The following HSP90AA1 variants were observed in gnomAD, a reference collection of about 807,000 sequenced individuals.
HSP90AA1 encodes heat shock protein HSP 90-alpha.
Under a neutral mutation model 73.3 loss-of-function variants are expected in HSP90AA1, and 18 were observed. The observed-to-expected ratio is 0.25, with a 90% CI of 0.17 to 0.36. The LOEUF (loss-of-function observed/expected upper bound fraction) is 0.36. Among genes scored for constraint, HSP90AA1 ranks in the 10% least tolerant of loss-of-function variants. The pLI is 1.00. For synonymous variants in HSP90AA1, 477 were observed against 296.9 expected, an observed-to-expected ratio of 1.61 and a Z score of -6.24; for missense variants, 704 against 874.2, an observed-to-expected ratio of 0.81 and a Z score of 2.45.
Position 102,083,982 on chromosome 14 carries a change from G to A in HSP90AA1, c.1149C>T (p.Asn383=), listed in dbSNP as rs373300685. 13 of 1,612,410 alleles carry A rather than the reference G, an allele frequency of 8.1e-6. No homozygotes were observed. Among genetic ancestry groups the A allele is most frequent in the Non-Finnish European group, 1.1e-5 (13 of 1,178,588 alleles). Residue 383 remains asparagine, a splice_region_variant and synonymous_variant, in exon 7 of 11, where the codon AAC becomes AAT. Transcript: ENST00000216281. ...NCEELIPEYL[N]FIRGVVDSED... ...CCGAGTCTACCACCCCTCTAATGAAGTCTGAAAAAAATATAAACCAAATGC... is the reference window on the plus strand; with the variant it reads ...CCGAGTCTACCACCCCTCTAATGAAATCTGAAAAAAATATAAACCAAATGC...
At position 102,081,787 on chromosome 14, in the gene HSP90AA1, G is replaced by T; in HGVS notation, c.2124C>A (p.Thr708=). ...IDEDDPTADD[T]SAAVTEEMPP... is the part of the protein sequence containing the mutation. ...GCATTTCTTCAGTTACAGCAGCACTGGTATCATCAGCAGTAGGGTCATCTT... is the reference window on the plus strand; with the variant it reads ...GCATTTCTTCAGTTACAGCAGCACTTGTATCATCAGCAGTAGGGTCATCTT... The change falls in exon 11 of 11, where the codon ACC becomes ACA. Residue 708 remains threonine (T), a synonymous_variant. Coordinates refer to ENST00000216281, the MANE Select transcript of HSP90AA1 (RefSeq NM_005348.4). 6.3e-7 allele frequency: 1 copy of T among 1,579,678 alleles called. No individual in the cohort carries two copies. Among genetic ancestry groups the T allele is most frequent in the Non-Finnish European group, 8.7e-7 (1 of 1,148,648 alleles).
intron 1 of HSP90AA1, among the ~76,000 whole-genome samples, chr14:102,109,761 A>T (rs1175416944): frequency 1.3e-5 from 2 of 152,168 alleles, no homozygotes; most frequent in Admixed American, 6.6e-5. Context: ...AGGTTAGAAC[A>T]GTTTGGAGGG....
At chr14:102,127,510 T>G (rs1435500094) in intron 1 of HSP90AA1, among the ~76,000 whole-genome samples, 17 of 152,196 alleles carry the variant, frequency 1.1e-4, no homozygotes, top group Non-Finnish European at 5.9e-5. Flanking sequence ...CACATTTCAG[T>G]CTTATCCCTA....
At chr14:102,090,218 T>G (rs1341015145), upstream of HSP90AA1, among the ~76,000 whole-genome samples, 1 of 152,164 alleles carries the variant, frequency 6.6e-6, no homozygotes, top group East Asian at 1.9e-4. Context: ...TGTTCTTCTC[T>G]AATTAATTTT....
intron 10 of HSP90AA1, 25 bp downstream of exon 10, chr14:102,082,086 T>C (rs541284895): frequency 6.8e-7 from 1 of 1,479,722 alleles, no homozygotes. Context: ...ATTTTCTTTT[T>C]AACATTACAT....
chr14:102,138,805 C>A (rs1595690768), intron 1 of HSP90AA1, among the ~76,000 whole-genome samples: 1 of 152,076 alleles, frequency 6.6e-6, no homozygotes, highest in Non-Finnish European at 1.5e-5. Flanking sequence ...GTGTAACATG[C>A]CAAGAAACCC....
chr14:102,125,012 G>C (rs1352540751), intron 1 of HSP90AA1, among the ~76,000 whole-genome samples: 1 of 152,020 alleles, frequency 6.6e-6, no homozygotes, highest in Admixed American at 6.6e-5. Context: ...ATTTTTTTGA[G>C]ATGAAGTCTC....
intron 1 of HSP90AA1, among the ~76,000 whole-genome samples, chr14:102,122,532 C>T (rs182951681): frequency 8.7e-4 from 132 of 152,146 alleles, no homozygotes; most frequent in Non-Finnish European, 1.2e-3. Context: ...CCACCTGCCT[C>T]GGCCTCCCAA....
At chr14:102,122,842 A>G (rs910378644) in intron 1 of HSP90AA1, among the ~76,000 whole-genome samples, 3 of 144,366 alleles carry the variant, frequency 2.1e-5, no homozygotes, top group African/African-American at 7.7e-5. Flanking sequence ...TGATTTTTGT[A>G]TTTTTAGTAG....
chr14:102,095,748 A>C (rs1242095363), intron 2 of HSP90AA1, among the ~76,000 whole-genome samples: 1 of 152,128 alleles, frequency 6.6e-6, no homozygotes, highest in Admixed American at 6.6e-5. Flanking sequence ...ACAGCTGACA[A>C]GTCTGGTGGA....
chr14:102,081,043 CAA>C lies in HSP90AA1; in HGVS notation c.*667_*668del, dbSNP rs2049086204. 2 of 227,752 alleles carry C rather than the reference CAA, an allele frequency of 8.8e-6. No homozygotes were observed. The highest frequency in any genetic ancestry group is 6.3e-5 in the East Asian group (1 of 15,824). 14.1% of individuals were successfully genotyped at this position (227,752 alleles called of 1,614,324 possible). The stretch of plus-strand genomic sequence containing the variant: ...TCCCCCTAAATAAGACACTGTCACA[CAA>C]TATCTTTTAACTCATCTGTATTTGT... On this transcript the variant is annotated 3_prime_UTR_variant, in exon 11 of 11. Transcript: ENST00000216281.
intron 1 of HSP90AA1, among the ~76,000 whole-genome samples, chr14:102,123,455 T>C (rs988306401): frequency 2.9e-4 from 44 of 152,026 alleles, no homozygotes; most frequent in Admixed American, 1.8e-3. Context: ...TTGAGTCTTG[T>C]TACCTAAGAA....
At chr14:102,136,583 A>G (rs1199013628) in intron 1 of HSP90AA1, among the ~76,000 whole-genome samples, 1 of 122,908 alleles carries the variant, frequency 8.1e-6, no homozygotes, top group Non-Finnish European at 1.7e-5. Flanking sequence ...AAAAAAAAAA[A>G]AAAAAAAGAA....
At chr14:102,088,899 TTTC>T (rs1048980172), upstream of HSP90AA1, among the ~76,000 whole-genome samples, 13 of 55,178 alleles carry the variant, frequency 2.4e-4, no homozygotes, top group Non-Finnish European at 7.7e-4. Context: ...CGTTCTTTTT[TTTC>T]TTTTCTTTTT....
chr14:102,103,517 A>G (rs1165245628), intron 1 of HSP90AA1, among the ~76,000 whole-genome samples: 6 of 151,854 alleles, frequency 4.0e-5, no homozygotes, highest in Non-Finnish European at 5.9e-5. Flanking sequence ...GTAAAACCCT[A>G]TCTCGGCTGG....
chr14:102,116,303 C>T (rs1188330987), intron 1 of HSP90AA1, among the ~76,000 whole-genome samples: 1 of 152,152 alleles, frequency 6.6e-6, no homozygotes, highest in Non-Finnish European at 1.5e-5. Context: ...TGTTTTGTTC[C>T]TGTTTGCTCA....
At chr14:102,094,832 G>A (rs1308894065) in intron 2 of HSP90AA1, among the ~76,000 whole-genome samples, 3 of 152,068 alleles carry the variant, frequency 2.0e-5, no homozygotes, top group East Asian at 1.9e-4. Context: ...AGTCTGACCC[G>A]CATCCACTCT....
upstream of HSP90AA1, among the ~76,000 whole-genome samples, chr14:102,090,409 C>T (rs1379655348): frequency 2.6e-5 from 4 of 152,050 alleles, no homozygotes; most frequent in Admixed American, 2.0e-4. Context: ...GCTTCACCGC[C>T]TTTTCTGTCC....
rs115513913 is a variant in HSP90AA1 at position 102,084,735 on chromosome 14, G to A, written c.927C>T (p.Tyr309=). Residue 309 remains tyrosine (Y), a synonymous_variant, in exon 5 of 11, where the codon TAC becomes TAT. Coordinates refer to ENST00000216281, the MANE Select transcript of HSP90AA1 (RefSeq NM_005348.4). Reference sequence around the variant, plus strand: ...TGGTCAAGCTCTTATAGAATTCTCCGTACTCCTCATTAGTAATATCGTCGG... The same window carrying A: ...TGGTCAAGCTCTTATAGAATTCTCCATACTCCTCATTAGTAATATCGTCGG... The part of the protein sequence containing the change: ...RNPDDITNEE[Y]GEFYKSLTND... The A allele has an allele frequency of 5.2e-4, 835 of 1,614,072 alleles. 1 individual carries two copies. The highest frequency in any genetic ancestry group is 7.3e-4 in the Admixed American group (44 of 60,014).
Sources: allele counts gnomAD v4.1 joint callset (sites outside exome capture counted in the v4.1 genomes callset), GRCh38; gene constraint gnomAD v4.1.1; transcripts MANE v1.5; gene names NCBI Gene and HGNC (gene_info 2026-07-23, HGNC 2026-07-21).